ETNK2: variants seen among roughly 807,000 people sequenced by gnomAD.
ETNK2 encodes the protein ethanolamine kinase-like protein.
In ETNK2, 33 loss-of-function variants were observed where a neutral mutation model predicts 46.2. The observed-to-expected ratio is 0.71, with a 90% CI of 0.54 to 0.96. The LOEUF (loss-of-function observed/expected upper bound fraction) is 0.96, where lower values mean the gene tolerates loss of function less well. Ranked by LOEUF, ETNK2 falls within the 40% of genes least tolerant of loss-of-function variation. The pLI is 0.00. For missense variants in ETNK2, 445 were observed against 509.7 expected (o/e 0.87, Z 1.22); for synonymous variants, 194 against 209.0 (o/e 0.93, Z 0.62).
At chr1:204,136,011 G>A (rs1199347551) in intron 6 of ETNK2, among the ~76,000 whole-genome samples, 1 of 152,154 alleles carries the variant, frequency 6.6e-6, no homozygotes, top group Non-Finnish European at 1.5e-5. Flanking sequence ...AGCTTACTTA[G>A]AGTTCTGAGT....
At chr1:204,146,574 C>T in intron 3 of ETNK2, 68 bp downstream of exon 3, 1 of 1,594,818 alleles carries the variant, frequency 6.3e-7, no homozygotes. Context: ...GCAGGGTGGG[C>T]TGGAGCCAAA....
chr1:204,143,187 A>G (rs908731717), intron 3 of ETNK2, among the ~76,000 whole-genome samples: 3 of 150,502 alleles, frequency 2.0e-5, no homozygotes, highest in Non-Finnish European at 4.4e-5. Flanking sequence ...GATGTGTTTC[A>G]GTCCTGGCTC....
At chr1:204,137,366 C>T (rs1657331213) in intron 5 of ETNK2, 117 bp from the exon 6 acceptor site, 6 of 1,358,658 alleles carry the variant, frequency 4.4e-6, no homozygotes, top group African/African-American at 2.9e-5. Context: ...ATCTTTGGGG[C>T]TGTGCCCAAG....
At chr1:204,134,790 G>C (rs1657219266) in intron 6 of ETNK2, 6 of 1,216,896 alleles carry the variant, frequency 4.9e-6, no homozygotes, top group Non-Finnish European at 7.0e-6. Context: ...TCCTGCTAGA[G>C]AAAGGTGGGC....
At position 204,137,164 on chromosome 1, in the gene ETNK2, C is replaced by G. The variant is rs775624367; in HGVS notation, c.954G>C (p.Gly318=). The change falls in exon 6 of 8, where the codon GGG becomes GGC. Residue 318 remains glycine, a synonymous_variant. Coordinates refer to ENST00000367202, the MANE Select transcript of ETNK2 (RefSeq NM_018208.4). ...WLHYYLQAQK[G]MAVTPREVQR... is the part of the protein sequence containing the mutation. ...GCACCTCCCTGGGGGTCACGGCCAT[C>G]CCCTTTTGTGCCTGCAGGTAGTAGT... The G allele has an allele frequency of 9.3e-6, 15 of 1,614,012 alleles. No individual in the cohort carries two copies. Among genetic ancestry groups the G allele is most frequent in the Non-Finnish European group, 1.3e-5 (15 of 1,179,866 alleles).
intron 2 of ETNK2, 80 bp from the exon 3 acceptor site, chr1:204,146,844 G>A (rs1443805347): frequency 1.9e-6 from 3 of 1,574,318 alleles, no homozygotes; most frequent in Admixed American, 3.6e-5. Flanking sequence ...GCCAGATAGG[G>A]ACCCTCCAGG....
At chr1:204,138,116 G>T (rs1166996892) in intron 5 of ETNK2, among the ~76,000 whole-genome samples, 2 of 152,124 alleles carry the variant, frequency 1.3e-5, no homozygotes, top group Admixed American at 6.5e-5. Flanking sequence ...GGCTAGAAAA[G>T]AATCTCCTGG....
intron 3 of ETNK2, among the ~76,000 whole-genome samples, chr1:204,143,748 A>G (rs1318679768): frequency 6.6e-6 from 1 of 152,086 alleles, no homozygotes; most frequent in African/African-American, 2.4e-5. Context: ...CTTTCTCCCC[A>G]CAGGGCTCTT....
Position 204,145,305 on chromosome 1 carries a change from C to T in ETNK2, c.641+1337G>A, listed in dbSNP as rs116911664. Among the ~76,000 whole-genome samples, 135 of 152,346 alleles carry T rather than the reference C, an allele frequency of 8.9e-4. 2 individuals are homozygous for T. The East Asian group carries it at 0.022, about 25-fold the overall frequency. ...CCCCCAAGGTCACACAGTGACAGCA[C>T]AGTCAAAGGAAGCTGCAGTATCAAG... On this transcript the variant is annotated intron_variant, in intron 3 of 7. Transcript: ENST00000367202.
At position 204,133,407 on chromosome 1, in the gene ETNK2, C is replaced by T. The variant is rs142151895; in HGVS notation, c.1088+1108G>A. ...AGGTTCCAATTCCTGCATATCCTTA[C>T]CAACAATTATTATTTTCTGTTTTTT... On this transcript the variant is annotated intron_variant, in intron 7 of 7. Coordinates refer to ENST00000367202, the MANE Select transcript of ETNK2 (RefSeq NM_018208.4). Among the ~76,000 whole-genome samples the T allele has an allele frequency of 2.3e-3, 343 of 152,238 alleles. 1 individual carries two copies. The highest frequency in any genetic ancestry group is 2.0e-3 in the Non-Finnish European group (139 of 68,030).
chr1:204,139,924 T>A, intron 5 of ETNK2, 111 bp downstream of exon 5: 1 of 831,504 alleles, frequency 1.2e-6, no homozygotes, highest in South Asian at 1.5e-5. Context: ...AAAAATATGG[T>A]ACCTATTACC....
chr1:204,139,363 T>C (rs1387834337), intron 5 of ETNK2, among the ~76,000 whole-genome samples: 1 of 152,122 alleles, frequency 6.6e-6, no homozygotes, highest in African/African-American at 2.4e-5. Context: ...GCTGCAGCAA[T>C]CGTCTAAGCT....
chr1:204,139,837 T>C (rs1233291510), intron 5 of ETNK2, among the ~76,000 whole-genome samples, 198 bp downstream of exon 5: 2 of 152,236 alleles, frequency 1.3e-5, no homozygotes, highest in Non-Finnish European at 1.5e-5. Context: ...GTTACTATAC[T>C]GAATACTGTG....
At chr1:204,147,435 AG>A (rs1458170129) in intron 2 of ETNK2, 2 of 533,268 alleles carry the variant, frequency 3.8e-6, no homozygotes, top group African/African-American at 3.9e-5. Context: ...TGCTGGGAGA[AG>A]GTGGGGGTGA....
At position 204,131,904 on chromosome 1, in the gene ETNK2, G is replaced by T; in HGVS notation, c.*280C>A. 1 of 465,990 alleles carries T rather than the reference G, an allele frequency of 2.1e-6. No individual in the cohort carries two copies. The highest frequency in any genetic ancestry group is 3.3e-5 in the Admixed American group (1 of 30,352). 28.9% of individuals were successfully genotyped at this position (465,990 alleles called of 1,614,324 possible). A position where few individuals can be genotyped will look rare whatever the true frequency, so the allele number is the denominator to read the frequency against. ...AGGCTGGGAATGATGTGTTTCCCAGGGGTGGTTATGGTTCAGGACCTGGCT... is the reference window on the plus strand; with the variant it reads ...AGGCTGGGAATGATGTGTTTCCCAGTGGTGGTTATGGTTCAGGACCTGGCT... On this transcript the variant is annotated 3_prime_UTR_variant, in exon 8 of 8. Transcript: ENST00000367202. The surrounding 1 kb of genome is among the most constrained non-coding windows in gnomAD (Gnocchi z 4.3).
chr1:204,140,145 A>C, intron 4 of ETNK2, 27 bp from the exon 5 acceptor site: 1 of 1,595,828 alleles, frequency 6.3e-7, no homozygotes, highest in Non-Finnish European at 8.6e-7. Context: ...AATCGATGAG[A>C]GTTGGCCCAG....
Position 204,140,540 on chromosome 1 carries a change from T to TC in ETNK2, c.785-423_785-422insG, listed in dbSNP as rs550161721. Among the ~76,000 whole-genome samples the TC allele has an allele frequency of 5.9e-3, 890 of 152,050 alleles. 7 individuals carry two copies. Among genetic ancestry groups the TC allele is most frequent in the African/African-American group, 0.021 (857 of 41,472 alleles). The stretch of plus-strand genomic sequence containing the variant: ...TTTGTTTGTTTTTGTCTTTTTTTTT[T>TC]TTGAGACAGAGTCTCGCTCTGTCGC... On this transcript the variant is annotated intron_variant, in intron 4 of 7. Transcript: ENST00000367202.
At chr1:204,146,134 G>A (rs1657769394) in intron 3 of ETNK2, among the ~76,000 whole-genome samples, 1 of 152,168 alleles carries the variant, frequency 6.6e-6, no homozygotes, top group Non-Finnish European at 1.5e-5. Flanking sequence ...TTGGGAAGTA[G>A]CAGGAACCTC....
chr1:204,140,760 T>A (rs890136084), intron 4 of ETNK2, among the ~76,000 whole-genome samples: 19 of 151,808 alleles, frequency 1.3e-4, no homozygotes, highest in East Asian at 7.8e-4. Flanking sequence ...CCTGACCTCA[T>A]GATCCACCCG....
Sources: gnomAD v4.1 joint callset for allele counts (sites outside exome capture counted in the v4.1 genomes callset) on GRCh38, gnomAD v4.1.1 for gene constraint, Gnocchi (gnomAD v3.1) non-coding constraint, MANE v1.5 for transcripts, NCBI Gene and HGNC (gene_info 2026-07-23, HGNC 2026-07-21) for gene names.